Variants in CCDC186 observed in about 807,000 individuals in gnomAD.
CCDC186 encodes the protein coiled-coil domain containing 186, also known as coiled-coil domain-containing protein 186.
A neutral mutation model predicts 113.7 loss-of-function variants in CCDC186; 49 were observed. The ratio of observed to expected loss-of-function variants is 0.43; its 90% confidence interval spans 0.34 to 0.55. The LOEUF is 0.55. Ranked by LOEUF, CCDC186 falls within the 20% of genes least tolerant of loss-of-function variation. The probability of loss-of-function intolerance (pLI) is 0.02; values close to 1 mark genes in which losing one functional copy is unlikely to be tolerated. For synonymous variants in CCDC186, 355 were observed against 345.8 expected, an observed-to-expected ratio of 1.03 and a Z score of -0.30; for missense variants, 890 against 1,011.1, an observed-to-expected ratio of 0.88 and a Z score of 1.62.
Position 114,163,104 on chromosome 10 carries a change from T to C in CCDC186, c.165A>G (p.Gln55=), listed in dbSNP as rs773110072. Residue 55 remains glutamine, a synonymous_variant, in exon 2 of 16, where the codon CAA becomes CAG. Coordinates refer to ENST00000369287, the MANE Select transcript of CCDC186 (RefSeq NM_018017.4). The part of the protein sequence containing the change: ...LSLNTDKTLC[Q]PNEHNNRIEA... ...CAATTCGATTATTATGCTCATTAGG[T>C]TGACATAAAGTTTTATCAGTGTTTA... The C allele has an allele frequency of 1.9e-6, 3 of 1,613,908 alleles. No individual in the cohort carries two copies. The highest frequency in any genetic ancestry group is 1.1e-5 in the South Asian group (1 of 91,036).
chr10:114,156,699 C>T (rs2032021094), intron 3 of CCDC186, among the ~76,000 whole-genome samples: 1 of 152,012 alleles, frequency 6.6e-6, no homozygotes, highest in South Asian at 2.1e-4. Flanking sequence ...TGAATTCCAC[C>T]CTGGGTGACA....
chr10:114,169,078 T>C (rs560776960), intron 1 of CCDC186, among the ~76,000 whole-genome samples: 20 of 152,308 alleles, frequency 1.3e-4, no homozygotes, highest in African/African-American at 4.6e-4. Flanking sequence ...TATTATGAAT[T>C]CTACAGTATT....
intron 3 of CCDC186, among the ~76,000 whole-genome samples, chr10:114,151,529 C>T (rs958752207): frequency 1.3e-5 from 2 of 151,960 alleles, no homozygotes; most frequent in African/African-American, 2.4e-5. Context: ...CAGTCACCCA[C>T]AGTTCAAAAA....
At chr10:114,172,498 G>A (rs1378984218) in intron 1 of CCDC186, among the ~76,000 whole-genome samples, 1 of 152,150 alleles carries the variant, frequency 6.6e-6, no homozygotes, top group African/African-American at 2.4e-5. Flanking sequence ...CTTTCCGTTA[G>A]CAATAAATAG....
chr10:114,131,895 C>T (rs181835626), intron 11 of CCDC186, 34 bp downstream of exon 11: 206 of 1,545,646 alleles, frequency 1.3e-4, no homozygotes, highest in Admixed American at 1.2e-3. Context: ...GTGCTTGTTA[C>T]GTTGTTTTAA....
Position 114,125,028 on chromosome 10 carries a change from C to T in CCDC186, c.*115G>A, listed in dbSNP as rs1043872700. ...GGTATTTTTTTGTGTACAGATGAAGCAAAACAATATTTTTACTGGCTGAAA... is the reference window on the plus strand; with the variant it reads ...GGTATTTTTTTGTGTACAGATGAAGTAAAACAATATTTTTACTGGCTGAAA... On this transcript the variant is annotated 3_prime_UTR_variant, in exon 16 of 16. Transcript: ENST00000369287. 106 of 696,776 alleles carry T rather than the reference C, an allele frequency of 1.5e-4. No homozygotes were observed. The highest frequency in any genetic ancestry group is 2.3e-4 in the Non-Finnish European group (99 of 423,164). 43.2% of individuals were successfully genotyped at this position (696,776 alleles called of 1,614,324 possible). A position where few individuals can be genotyped will look rare whatever the true frequency, so the allele number is the denominator to read the frequency against.
intron 1 of CCDC186, chr10:114,166,008 A>G (rs1450431026): frequency 3.3e-6 from 3 of 912,116 alleles, no homozygotes; most frequent in East Asian, 1.2e-4. Context: ...AATTTCTGGA[A>G]TAAGTTTTTT....
At chr10:114,139,346 T>C (rs1005767448) in intron 6 of CCDC186, among the ~76,000 whole-genome samples, 11 of 152,094 alleles carry the variant, frequency 7.2e-5, no homozygotes, top group African/African-American at 2.4e-4. Context: ...ATGGATCACC[T>C]GAGGTCAGGA....
At chr10:114,162,356 T>C (rs2032195175) in intron 2 of CCDC186, 1 of 218,470 alleles carries the variant, frequency 4.6e-6, no homozygotes, top group Non-Finnish European at 8.9e-6. Flanking sequence ...TTTGACAATA[T>C]ACTTCTACAT....
intron 4 of CCDC186, among the ~76,000 whole-genome samples, chr10:114,146,945 T>C (rs1348770223): frequency 2.6e-5 from 4 of 152,220 alleles, no homozygotes; most frequent in Non-Finnish European, 5.9e-5. Context: ...CACATATAAG[T>C]AATTTTAAAA....
intron 6 of CCDC186, among the ~76,000 whole-genome samples, chr10:114,140,794 C>T (rs186836306): frequency 6.6e-6 from 1 of 152,128 alleles, no homozygotes; most frequent in African/African-American, 2.4e-5. Context: ...TTATCATACT[C>T]ATGCTTTTGT....
chr10:114,127,845 A>G (rs3740153), intron 13 of CCDC186, among the ~76,000 whole-genome samples, 174 bp from the exon 14 acceptor site: 37,727 of 152,122 alleles, frequency 0.25, 5,020 homozygotes, highest in African/African-American at 0.33. Flanking sequence ...TGGTGACAGA[A>G]GTACCAACAG....
At chr10:114,143,776 T>C (rs948964257) in intron 6 of CCDC186, among the ~76,000 whole-genome samples, 20 of 152,184 alleles carry the variant, frequency 1.3e-4, no homozygotes, top group African/African-American at 4.8e-4. Context: ...TTAAGACTGT[T>C]TGTGAAAACC....
In CCDC186 at chr10:114,132,085, TTC is replaced by T; in HGVS notation, c.1753_1754del (p.Glu585IlefsTer2). On this transcript the variant is annotated frameshift_variant, in exon 11 of 16. Coordinates refer to ENST00000369287, the MANE Select transcript of CCDC186 (RefSeq NM_018017.4). LOFTEE classifies it high-confidence loss of function. Reference sequence around the variant, plus strand: ...TTTCTGTAAACAGCAGCAGCTCAGATTCTCTTTTCCTACTGCCTTCGATGTCT... The same window carrying T: ...TTTCTGTAAACAGCAGCAGCTCAGATTCTTTTCCTACTGCCTTCGATGTCT... ...QKDIEGSRKR[E>X]SELLLFTERL... 6.2e-7 allele frequency: 1 copy of T among 1,613,616 alleles called. No homozygotes were observed. Among genetic ancestry groups the T allele is most frequent in the Non-Finnish European group, 8.5e-7 (1 of 1,179,792 alleles).
intron 2 of CCDC186, chr10:114,162,280 A>T (rs2032190261): frequency 6.2e-6 from 1 of 161,690 alleles, no homozygotes; most frequent in Non-Finnish European, 1.3e-5. Flanking sequence ...TGAATTTAGA[A>T]TGCAGATTTT....
intron 1 of CCDC186, among the ~76,000 whole-genome samples, chr10:114,164,065 A>AGTGTGTGTGTGTGTGTGTGTGTGTGT (rs747232906): frequency 4.7e-5 from 5 of 107,030 alleles, no homozygotes; most frequent in Admixed American, 1.2e-4. Context: ...ACCAAGTTAG[A>AGTGTGTGTGTGTGTGTGTGTGTGTGT]GTGTGTGTGT....
intron 1 of CCDC186, 81 bp from the exon 2 acceptor site, chr10:114,163,410 A>C (rs1432452556): frequency 9.0e-7 from 1 of 1,109,564 alleles, no homozygotes; most frequent in African/African-American, 1.6e-5. Flanking sequence ...GTGATGTGGA[A>C]TAACTAACAC....
At chr10:114,174,210 G>A (rs935192024), upstream of CCDC186, 9 of 427,470 alleles carry the variant, frequency 2.1e-5, no homozygotes, top group African/African-American at 1.8e-4. Flanking sequence ...AGATGGCGGC[G>A]ACACTGAAGC....
At chr10:114,136,914 C>T (rs1046160966) in intron 7 of CCDC186, among the ~76,000 whole-genome samples, 6 of 151,968 alleles carry the variant, frequency 3.9e-5, no homozygotes, top group Non-Finnish European at 2.9e-5. Context: ...GTCAGGAGTT[C>T]GAGACCAGCC....
Sources: gnomAD v4.1 joint callset for allele counts (sites outside exome capture counted in the v4.1 genomes callset) on GRCh38, gnomAD v4.1.1 for gene constraint, MANE v1.5 for transcripts, NCBI Gene and HGNC (gene_info 2026-07-23, HGNC 2026-07-21) for gene names.